NKAIN3: variants seen among roughly 807,000 people sequenced by gnomAD.
NKAIN3 encodes the protein sodium/potassium-transporting ATPase subunit beta-1-interacting protein 3.
A neutral mutation model predicts 30.2 loss-of-function variants in NKAIN3; 25 were observed. That is an observed-to-expected ratio of 0.83 (90% CI 0.60 to 1.16). The LOEUF (loss-of-function observed/expected upper bound fraction) is 1.16, where lower values mean the gene tolerates loss of function less well. NKAIN3 is among the 50% of genes most tolerant of loss of function. NKAIN3 has a pLI of 0.00. For missense variants in NKAIN3, 225 were observed against 254.1 expected, an observed-to-expected ratio of 0.89 and a Z score of 0.78; for synonymous variants, 91 against 89.6, an observed-to-expected ratio of 1.02 and a Z score of -0.09.
intron 1 of NKAIN3, among the ~76,000 whole-genome samples, chr8:62,321,847 C>T (rs965677071): frequency 6.6e-6 from 1 of 152,192 alleles, no homozygotes. Flanking sequence ...CCACTACTCT[C>T]TTCAAAGCTG....
At chr8:62,891,431 G>C (rs1471007262) in intron 4 of NKAIN3, among the ~76,000 whole-genome samples, 1 of 152,172 alleles carries the variant, frequency 6.6e-6, no homozygotes, top group Admixed American at 6.5e-5. Context: ...TTGAGGTTTT[G>C]GGACTCAGAC....
intron 4 of NKAIN3, among the ~76,000 whole-genome samples, chr8:62,812,595 G>A (rs2130716257): frequency 6.6e-6 from 1 of 151,424 alleles, no homozygotes; most frequent in Admixed American, 6.6e-5. Context: ...TCACTTATTA[G>A]TTCTAGGAGA....
intron 4 of NKAIN3, among the ~76,000 whole-genome samples, chr8:62,789,170 G>A (rs1471945747): frequency 6.6e-6 from 1 of 152,086 alleles, no homozygotes; most frequent in Non-Finnish European, 1.5e-5. Context: ...CATGAGCATG[G>A]AATGTTCTTC....
intron 1 of NKAIN3, among the ~76,000 whole-genome samples, chr8:62,368,023 A>G (rs1816792183): frequency 1.3e-5 from 2 of 152,156 alleles, no homozygotes; most frequent in Non-Finnish European, 2.9e-5. Flanking sequence ...CCAAGGAGGT[A>G]AAAGACCTGT....
chr8:62,642,308 A>T (rs1341853053), intron 3 of NKAIN3, among the ~76,000 whole-genome samples: 1 of 152,136 alleles, frequency 6.6e-6, no homozygotes, highest in Non-Finnish European at 1.5e-5. Context: ...GTATTTCTCA[A>T]CAAAACGTAT....
chr8:62,378,483 C>T (rs1817167275), intron 1 of NKAIN3, among the ~76,000 whole-genome samples: 1 of 152,204 alleles, frequency 6.6e-6, no homozygotes, highest in Non-Finnish European at 1.5e-5. Flanking sequence ...CATCACTTCC[C>T]ATCACAGGCC....
intron 1 of NKAIN3, among the ~76,000 whole-genome samples, chr8:62,443,539 A>G (rs1805395654): frequency 6.6e-6 from 1 of 151,876 alleles, no homozygotes; most frequent in African/African-American, 2.4e-5. Context: ...GCGAGCCACC[A>G]TGCCAGGCTA....
chr8:62,753,629 A>G (rs1000139931), intron 4 of NKAIN3, among the ~76,000 whole-genome samples: 9 of 152,146 alleles, frequency 5.9e-5, no homozygotes, highest in Non-Finnish European at 1.0e-4. Flanking sequence ...CTTTGAAAAA[A>G]TTATTTTCAC....
intron 3 of NKAIN3, among the ~76,000 whole-genome samples, chr8:62,739,305 G>T (rs995700117): frequency 6.6e-6 from 1 of 151,802 alleles, no homozygotes; most frequent in African/African-American, 2.4e-5. Flanking sequence ...TTAAAAAAAA[G>T]AATTATCTAT....
At chr8:62,851,521 C>T (rs939919283) in intron 4 of NKAIN3, among the ~76,000 whole-genome samples, 10 of 152,146 alleles carry the variant, frequency 6.6e-5, no homozygotes, top group South Asian at 2.1e-4. Context: ...GAGAGGACAT[C>T]CCCGTCTTGT....
At chr8:62,797,814 A>G (rs1341671062) in intron 4 of NKAIN3, among the ~76,000 whole-genome samples, 1 of 152,102 alleles carries the variant, frequency 6.6e-6, no homozygotes, top group East Asian at 1.9e-4. Context: ...GTCACAGTGG[A>G]GTAGAGTGAG....
chr8:62,442,850 A>G (rs933424170), intron 1 of NKAIN3, among the ~76,000 whole-genome samples: 1 of 152,070 alleles, frequency 6.6e-6, no homozygotes, highest in East Asian at 1.9e-4. Flanking sequence ...TCATCTGGTC[A>G]TAAGTGTTTT....
At chr8:62,699,975 T>G (rs779252794) in intron 3 of NKAIN3, among the ~76,000 whole-genome samples, 2 of 152,104 alleles carry the variant, frequency 1.3e-5, no homozygotes, top group Non-Finnish European at 2.9e-5. Flanking sequence ...AATTTCTTTT[T>G]AAAATCTAGC....
rs950602744 is a variant in NKAIN3 at position 62,971,510 on chromosome 8, A to G, written c.*6103A>G. ...AAACCAGCTGTGGCGGTGTGTGCCT[A>G]TAGTCCCAGCTACTTGGGAGGTTGA... On this transcript the variant is annotated 3_prime_UTR_variant, in exon 7 of 7. Coordinates refer to ENST00000623646, the MANE Select transcript of NKAIN3 (RefSeq NM_001304533.3). Among the ~76,000 whole-genome samples the G allele has an allele frequency of 3.3e-5, 5 of 151,844 alleles. No individual in the cohort carries two copies. Among genetic ancestry groups the G allele is most frequent in the Admixed American group, 2.6e-4 (4 of 15,226 alleles).
chr8:62,586,898 A>G (rs190255127), intron 2 of NKAIN3, among the ~76,000 whole-genome samples: 1 of 152,156 alleles, frequency 6.6e-6, no homozygotes, highest in Non-Finnish European at 1.5e-5. Context: ...GATTATGCAG[A>G]GTGATTTTTT....
intron 1 of NKAIN3, among the ~76,000 whole-genome samples, chr8:62,467,946 AT>A (rs1806214070): frequency 6.6e-6 from 1 of 151,866 alleles, no homozygotes; most frequent in African/African-American, 2.4e-5. Flanking sequence ...ATTTTTTTGC[AT>A]TTTTTGTTAG....
Position 62,926,662 on chromosome 8 carries a change from C to T in NKAIN3, c.532+8149C>T, listed in dbSNP as rs568769902. Reference sequence around the variant, plus strand: ...TTGAGGCCCAAAGAGGCAATGTGACCGCCGGCGGCTTTTTCCTCCTCTGCC... The same window carrying T: ...TTGAGGCCCAAAGAGGCAATGTGACTGCCGGCGGCTTTTTCCTCCTCTGCC... On this transcript the variant is annotated intron_variant, in intron 5 of 6. Transcript: ENST00000623646. Among the ~76,000 whole-genome samples, 8 of 152,198 alleles carry T rather than the reference C, an allele frequency of 5.3e-5. No homozygotes were observed. In the East Asian group the frequency reaches 1.4e-3, roughly 26 times the overall value.
chr8:62,959,503 A>C (rs188900454), intron 6 of NKAIN3, among the ~76,000 whole-genome samples: 2 of 149,404 alleles, frequency 1.3e-5, no homozygotes, highest in African/African-American at 2.5e-5. Flanking sequence ...GTGCTTTCAA[A>C]CCTTGATTTA....
intron 4 of NKAIN3, among the ~76,000 whole-genome samples, chr8:62,770,739 C>T (rs572029892): frequency 6.6e-6 from 1 of 151,544 alleles, no homozygotes; most frequent in Non-Finnish European, 1.5e-5. Context: ...TATAGGTGAC[C>T]TCTAACAGCC....
Sources: allele counts gnomAD v4.1 joint callset (sites outside exome capture counted in the v4.1 genomes callset), GRCh38; gene constraint gnomAD v4.1.1; transcripts MANE v1.5; gene names NCBI Gene and HGNC (gene_info 2026-07-23, HGNC 2026-07-21).